Variants in GNAI3 observed in about 807,000 individuals in gnomAD.
GNAI3 encodes the protein guanine nucleotide-binding protein G(i) subunit alpha-3.
GNAI3 carries 12 observed loss-of-function variants against 41.8 expected under a neutral mutation model. The observed-to-expected ratio is 0.29, with a 90% CI of 0.18 to 0.47. The LOEUF is 0.47. Ranked by LOEUF, GNAI3 falls within the 20% of genes least tolerant of loss-of-function variation. The pLI is 1.00. For missense variants in GNAI3, 360 were observed against 429.6 expected (o/e 0.84, Z 1.43); for synonymous variants, 132 against 146.5 (o/e 0.90, Z 0.71).
At chr1:109,579,813 G>A (rs189359257) in intron 4 of GNAI3, among the ~76,000 whole-genome samples, 2 of 152,318 alleles carry the variant, frequency 1.3e-5, no homozygotes, top group Admixed American at 6.5e-5. Flanking sequence ...CCAGATCACA[G>A]TAGTAGACTT....
At chr1:109,554,712 A>G (rs1373010085) in intron 1 of GNAI3, among the ~76,000 whole-genome samples, 1 of 151,886 alleles carries the variant, frequency 6.6e-6, no homozygotes, top group Non-Finnish European at 1.5e-5. Flanking sequence ...AGTTTAGTTG[A>G]GTCCCATTTA....
chr1:109,556,744 T>C (rs137976659), intron 1 of GNAI3, among the ~76,000 whole-genome samples: 1 of 152,340 alleles, frequency 6.6e-6, no homozygotes, highest in East Asian at 1.9e-4. Flanking sequence ...CCTCTGTTAC[T>C]CTCATCTCTT....
intron 1 of GNAI3, among the ~76,000 whole-genome samples, chr1:109,550,089 A>G (rs1647943688): frequency 6.6e-6 from 1 of 152,170 alleles, no homozygotes; most frequent in Non-Finnish European, 1.5e-5. Flanking sequence ...ACTTTTTAAA[A>G]CAATTGATTT....
chr1:109,558,625 T>G (rs1295930201), intron 1 of GNAI3, among the ~76,000 whole-genome samples: 2 of 152,182 alleles, frequency 1.3e-5, no homozygotes, highest in Non-Finnish European at 2.9e-5. Context: ...GCTTTTTTTT[T>G]GTGCTAATTT....
chr1:109,586,468 T>C, intron 6 of GNAI3, 123 bp downstream of exon 6: 1 of 984,424 alleles, frequency 1.0e-6, no homozygotes, highest in Non-Finnish European at 1.5e-6. Context: ...TTAATTTTTT[T>C]GATCTGTGCC....
Position 109,593,801 on chromosome 1 carries a change from T to A in GNAI3, c.*1479T>A, listed in dbSNP as rs935155649. Reference sequence around the variant, plus strand: ...CCTTTTGTATAATGTACAGCAAATGTCATTAAATATTGAATGCTCTATTGG... The same window carrying A: ...CCTTTTGTATAATGTACAGCAAATGACATTAAATATTGAATGCTCTATTGG... On this transcript the variant is annotated 3_prime_UTR_variant, in exon 9 of 9. Coordinates refer to ENST00000369851, the MANE Select transcript of GNAI3 (RefSeq NM_006496.4). The A allele has an allele frequency of 1.3e-5, 2 of 152,660 alleles. No individual in the cohort carries two copies. Among genetic ancestry groups the A allele is most frequent in the African/African-American group, 4.8e-5 (2 of 41,450 alleles). The allele number at this position is 152,660 out of a possible 1,614,324, so 9.5% of individuals were successfully genotyped here.
At chr1:109,589,783 A>C (rs1383824250) in intron 7 of GNAI3, among the ~76,000 whole-genome samples, 1 of 152,312 alleles carries the variant, frequency 6.6e-6, no homozygotes, top group East Asian at 1.9e-4. Flanking sequence ...CTGTCCATAG[A>C]GACAGAAAGA....
chr1:109,554,531 C>CGAAT (rs1252476115), intron 1 of GNAI3, among the ~76,000 whole-genome samples: 1 of 152,102 alleles, frequency 6.6e-6, no homozygotes, highest in Admixed American at 6.5e-5. Flanking sequence ...TGAGAATTGT[C>CGAAT]TATTCAAGTC....
chr1:109,573,965 T>C lies in GNAI3; in HGVS notation c.231T>C (p.Thr77=). 6.2e-7 allele frequency: 1 copy of C among 1,608,520 alleles called. No individual in the cohort carries two copies. Among genetic ancestry groups the C allele is most frequent in the Middle Eastern group, 1.7e-4 (1 of 6,048 alleles). ...ATAAAGTAGTTGTCTACAGCAATAC[T>C]ATACAGTCCATCATTGCAATCATAA... ...KQYKVVVYSN[T]IQSIIAIIRA... The change falls in exon 3 of 9, where the codon ACT becomes ACC. Residue 77 remains threonine, a synonymous_variant. Coordinates refer to ENST00000369851, the MANE Select transcript of GNAI3 (RefSeq NM_006496.4).
At chr1:109,573,686 C>G (rs756708943) in intron 1 of GNAI3, 51 bp from the exon 2 acceptor site, 1 of 1,440,308 alleles carries the variant, frequency 6.9e-7, no homozygotes, top group South Asian at 1.1e-5. Flanking sequence ...TGATATTATA[C>G]TTTTATGTTG....
chr1:109,572,299 G>T (rs1463428344), intron 1 of GNAI3, among the ~76,000 whole-genome samples: 1 of 152,166 alleles, frequency 6.6e-6, no homozygotes, highest in Non-Finnish European at 1.5e-5. Flanking sequence ...TACAGAGCGG[G>T]ACTCCATCTC....
At chr1:109,586,109 T>C in intron 5 of GNAI3, 107 bp from the exon 6 acceptor site, 1 of 839,272 alleles carries the variant, frequency 1.2e-6, no homozygotes, top group Non-Finnish European at 1.8e-6. Context: ...TCTTCTATTA[T>C]AAATGAAGTT....
At chr1:109,588,766 G>A (rs544444584) in intron 7 of GNAI3, among the ~76,000 whole-genome samples, 95 of 151,358 alleles carry the variant, frequency 6.3e-4, no homozygotes, top group Middle Eastern at 3.4e-3. Context: ...GGTGGTGTGC[G>A]CCTGTAATCC....
intron 7 of GNAI3, 78 bp downstream of exon 7, chr1:109,586,960 C>A: frequency 1.4e-6 from 1 of 723,320 alleles, no homozygotes; most frequent in Non-Finnish European, 2.2e-6. Flanking sequence ...ATAAAACTGC[C>A]TTTTTTTTTT....
chr1:109,550,039 T>A (rs746959527), intron 1 of GNAI3, among the ~76,000 whole-genome samples: 19 of 152,148 alleles, frequency 1.2e-4, no homozygotes, highest in Non-Finnish European at 2.6e-4. Flanking sequence ...TAAGTAGGAG[T>A]AGGGGTTTCT....
intron 1 of GNAI3, among the ~76,000 whole-genome samples, chr1:109,567,749 A>G (rs1648493805): frequency 1.3e-5 from 2 of 152,220 alleles, no homozygotes; most frequent in Non-Finnish European, 2.9e-5. Context: ...TATTCTCAAC[A>G]TTGGAAATGG....
intron 1 of GNAI3, among the ~76,000 whole-genome samples, chr1:109,559,832 A>G (rs1648261801): frequency 6.6e-6 from 1 of 152,122 alleles, no homozygotes; most frequent in African/African-American, 2.4e-5. Flanking sequence ...CAGCTGTATC[A>G]TTTCTGTAAT....
intron 4 of GNAI3, among the ~76,000 whole-genome samples, chr1:109,579,793 A>C (rs1345359517): frequency 6.6e-6 from 1 of 152,214 alleles, no homozygotes; most frequent in Non-Finnish European, 1.5e-5. Context: ...CTTCACTAGT[A>C]ACCCTTTTGC....
At chr1:109,579,746 A>G (rs1258847921) in intron 4 of GNAI3, among the ~76,000 whole-genome samples, 1 of 152,160 alleles carries the variant, frequency 6.6e-6, no homozygotes, top group African/African-American at 2.4e-5. Flanking sequence ...ATTCCTTTTT[A>G]TGCAGCCAGC....
Sources: allele counts gnomAD v4.1 joint callset (sites outside exome capture counted in the v4.1 genomes callset), GRCh38; gene constraint gnomAD v4.1.1; transcripts MANE v1.5; gene names NCBI Gene and HGNC (gene_info 2026-07-23, HGNC 2026-07-21).